The following PLCB1 variants were observed in gnomAD, a reference collection of about 807,000 sequenced individuals.
PLCB1 encodes the protein phospholipase C beta 1.
In PLCB1, 46 loss-of-function variants were observed where a neutral mutation model predicts 161.8. That is an observed-to-expected ratio of 0.28 (90% confidence interval 0.22 to 0.36). The LOEUF is 0.36. Ranked by LOEUF, PLCB1 falls within the 10% of genes least tolerant of loss-of-function variation. PLCB1 has a pLI of 1.00. For synonymous variants in PLCB1, 517 were observed against 503.7 expected (o/e 1.03, Z -0.35); for missense variants, 1,016 against 1,472.5 (o/e 0.69, Z 5.07).
At chr20:8,446,671 C>T (rs1347458205) in intron 3 of PLCB1, among the ~76,000 whole-genome samples, 1 of 152,116 alleles carries the variant, frequency 6.6e-6, no homozygotes, top group Non-Finnish European at 1.5e-5. Flanking sequence ...TCGTCTCAGA[C>T]CAATACCTGA....
At chr20:8,208,349 G>A (rs577224338) in intron 2 of PLCB1, among the ~76,000 whole-genome samples, 62 of 152,162 alleles carry the variant, frequency 4.1e-4, no homozygotes, top group African/African-American at 1.3e-3. Flanking sequence ...AAAGCTGGCT[G>A]CTTTTAAAAG....
intron 31 of PLCB1, among the ~76,000 whole-genome samples, chr20:8,848,749 G>A (rs1462813823): frequency 6.6e-6 from 1 of 152,240 alleles, no homozygotes; most frequent in Non-Finnish European, 1.5e-5. Context: ...ACATCTGGAA[G>A]TCCGGGATGA....
chr20:8,418,170 C>A (rs1231147702), intron 3 of PLCB1, among the ~76,000 whole-genome samples: 1 of 152,196 alleles, frequency 6.6e-6, no homozygotes, highest in Non-Finnish European at 1.5e-5. Flanking sequence ...TTCCCAACTG[C>A]CAACCTTGAT....
At chr20:8,373,671 A>G (rs1424478684) in intron 3 of PLCB1, among the ~76,000 whole-genome samples, 3 of 152,210 alleles carry the variant, frequency 2.0e-5, no homozygotes, top group South Asian at 2.1e-4. Flanking sequence ...CTTACTAAAT[A>G]TTAGCCAATA....
At chr20:8,421,850 C>T (rs896199836) in intron 3 of PLCB1, among the ~76,000 whole-genome samples, 2 of 152,186 alleles carry the variant, frequency 1.3e-5, no homozygotes, top group Non-Finnish European at 2.9e-5. Flanking sequence ...TGCATTTTAA[C>T]AAGATTCTCA....
chr20:8,852,838 A>C (rs1201637483), intron 31 of PLCB1, among the ~76,000 whole-genome samples: 2 of 152,284 alleles, frequency 1.3e-5, no homozygotes, highest in Non-Finnish European at 2.9e-5. Context: ...ACAGTATACC[A>C]GAATGATCAC....
intron 3 of PLCB1, among the ~76,000 whole-genome samples, chr20:8,458,507 A>G (rs558100909): frequency 6.6e-6 from 1 of 152,236 alleles, no homozygotes; most frequent in Non-Finnish European, 1.5e-5. Flanking sequence ...ATAGGCCTAA[A>G]TGTGCTGATT....
intron 2 of PLCB1, among the ~76,000 whole-genome samples, chr20:8,164,971 A>T (rs1236086807): frequency 6.6e-6 from 1 of 152,240 alleles, no homozygotes; most frequent in Non-Finnish European, 1.5e-5. Context: ...AGGAAGGCAG[A>T]GACTCAGGTG....
chr20:8,560,702 TA>T (rs1252749290), intron 3 of PLCB1, among the ~76,000 whole-genome samples: 2 of 151,960 alleles, frequency 1.3e-5, no homozygotes, highest in East Asian at 3.9e-4. Flanking sequence ...GACAGGAACA[TA>T]AATGGAAAAC....
chr20:8,862,039 GTTA>G (rs1235789555), intron 31 of PLCB1, among the ~76,000 whole-genome samples: 4 of 152,146 alleles, frequency 2.6e-5, no homozygotes, highest in African/African-American at 9.6e-5. Flanking sequence ...CTGGCATTAT[GTTA>G]TTATTTAATT....
chr20:8,381,187 T>C (rs564821020), intron 3 of PLCB1, among the ~76,000 whole-genome samples: 5 of 152,354 alleles, frequency 3.3e-5, no homozygotes, highest in Admixed American at 1.3e-4. Flanking sequence ...CTTTTCTGCA[T>C]CTATTGAGAT....
chr20:8,210,919 G>A (rs73897311), intron 2 of PLCB1, among the ~76,000 whole-genome samples: 1,835 of 152,168 alleles, frequency 0.012, 36 homozygotes, highest in African/African-American at 0.041. Flanking sequence ...TGCTGTCAAG[G>A]TGTCTTCCAA....
chr20:8,837,515 A>T (rs1288973818), intron 31 of PLCB1, among the ~76,000 whole-genome samples: 1 of 152,208 alleles, frequency 6.6e-6, no homozygotes, highest in African/African-American at 2.4e-5. Flanking sequence ...AAGTGCTGTA[A>T]TAGTTTGTTT....
intron 2 of PLCB1, among the ~76,000 whole-genome samples, chr20:8,364,578 G>A (rs1986651140): frequency 6.6e-6 from 1 of 152,190 alleles, no homozygotes; most frequent in African/African-American, 2.4e-5. Context: ...CTGTGTTCCT[G>A]TTAGGTCCAA....
chr20:8,405,029 C>A (rs1310526788), intron 3 of PLCB1, among the ~76,000 whole-genome samples: 1 of 152,144 alleles, frequency 6.6e-6, no homozygotes, highest in Non-Finnish European at 1.5e-5. Flanking sequence ...ATGACTCTTT[C>A]AGTTCTCCAT....
intron 1 of PLCB1, among the ~76,000 whole-genome samples, chr20:8,145,101 C>T (rs118072523): frequency 0.011 from 1,656 of 152,086 alleles, 13 homozygotes; most frequent in Non-Finnish European, 0.018. Flanking sequence ...GATTACACAA[C>T]GGAAATTTAT....
At chr20:8,769,260 AAAAT>A (rs1982541544) in intron 26 of PLCB1, among the ~76,000 whole-genome samples, 1 of 152,112 alleles carries the variant, frequency 6.6e-6, no homozygotes, top group African/African-American at 2.4e-5. Flanking sequence ...TAACATTTTT[AAAAT>A]AAAAATTAAC....
intron 3 of PLCB1, among the ~76,000 whole-genome samples, chr20:8,563,244 TGTG>T (rs1986202350): frequency 6.6e-6 from 1 of 151,990 alleles, no homozygotes; most frequent in Non-Finnish European, 1.5e-5. Context: ...TTAAAAATGA[TGTG>T]GTTCTGGTGG....
intron 3 of PLCB1, among the ~76,000 whole-genome samples, chr20:8,525,692 G>T (rs774500054): frequency 9.9e-5 from 15 of 151,578 alleles, no homozygotes; most frequent in Non-Finnish European, 1.6e-4. Flanking sequence ...GAACTTTAAA[G>T]AAAAATCAAC....
Sources: gnomAD v4.1 joint callset for allele counts (sites outside exome capture counted in the v4.1 genomes callset) on GRCh38, gnomAD v4.1.1 for gene constraint, MANE v1.5 for transcripts, NCBI Gene and HGNC (gene_info 2026-07-23, HGNC 2026-07-21) for gene names.